Variants in PALMD observed in about 807,000 individuals in gnomAD.
PALMD encodes the protein paralemmin-like protein.
Under a neutral mutation model 56.2 loss-of-function variants are expected in PALMD, and 42 were observed. That is an observed-to-expected ratio of 0.75 (90% confidence interval 0.58 to 0.97). The LOEUF (loss-of-function observed/expected upper bound fraction) is 0.97, where lower values mean the gene tolerates loss of function less well. Among genes scored for constraint, PALMD ranks in the 50% least tolerant of loss-of-function variants. The pLI, the probability that PALMD is intolerant of heterozygous loss-of-function variation, is 0.00. For missense variants in PALMD, 660 were observed against 643.8 expected (o/e 1.03, Z -0.27); for synonymous variants, 242 against 222.9 (o/e 1.09, Z -0.76).
At chr1:99,659,183 C>A (rs937267956) in intron 1 of PALMD, among the ~76,000 whole-genome samples, 1 of 152,176 alleles carries the variant, frequency 6.6e-6, no homozygotes, top group Non-Finnish European at 1.5e-5. Flanking sequence ...AAGCATTGTG[C>A]TGACTTTTAT....
At chr1:99,678,974 A>G (rs1653279316) in intron 3 of PALMD, among the ~76,000 whole-genome samples, 1 of 152,010 alleles carries the variant, frequency 6.6e-6, no homozygotes, top group Admixed American at 6.6e-5. Context: ...CTTAAAAAAA[A>G]AAAAAAATCC....
At chr1:99,661,683 G>T (rs935249250) in intron 1 of PALMD, among the ~76,000 whole-genome samples, 1 of 152,160 alleles carries the variant, frequency 6.6e-6, no homozygotes, top group African/African-American at 2.4e-5. Flanking sequence ...CAGTAGTTAT[G>T]CTTTCTGGGT....
At position 99,686,730 on chromosome 1, in the gene PALMD, G is replaced by A. The variant is rs771942544; in HGVS notation, c.306G>A (p.Lys102=). Residue 102 remains lysine (K), a synonymous_variant, in exon 4 of 8, where the codon AAG becomes AAA. Coordinates refer to ENST00000263174, the MANE Select transcript of PALMD (RefSeq NM_017734.5). ...AAGCTGAACTGCAAATCTCAACGAA[G>A]GAAGAGGCCATTTTAAAGAAACTAA... ...LEKAELQIST[K]EEAILKKLKS... is the part of the protein sequence containing the mutation. The A allele has an allele frequency of 2.2e-5, 35 of 1,609,732 alleles. No individual in the cohort carries two copies. The highest frequency in any genetic ancestry group is 2.8e-5 in the Non-Finnish European group (33 of 1,177,200).
Position 99,688,831 on chromosome 1 carries a change from G to C in PALMD, c.571G>C (p.Val191Leu), listed in dbSNP as rs1180868291. The C allele has an allele frequency of 1.2e-6, 2 of 1,611,016 alleles. No homozygotes were observed. Among genetic ancestry groups the C allele is most frequent in the Admixed American group, 1.7e-5 (1 of 59,972 alleles). The change falls in exon 7 of 8, where the codon GTT becomes CTT. Residue 191 changes from valine to leucine, a missense_variant. Transcript: ENST00000263174. ...AGACTTGAAGACTGGAGAAAGTACA[G>C]TTCTGTCTTCAATACCTCTGCCATC... Reference protein sequence around the residue: ...EKDLKTGESTVLSSIPLPSDD... With the variant: ...EKDLKTGESTLLSSIPLPSDD...
At chr1:99,688,515 C>T (rs1653567535) in intron 6 of PALMD, among the ~76,000 whole-genome samples, 1 of 152,116 alleles carries the variant, frequency 6.6e-6, no homozygotes, top group African/African-American at 2.4e-5. Flanking sequence ...GAACCATCAG[C>T]TTATCTTCTC....
At position 99,693,975 on chromosome 1, in the gene PALMD, G is replaced by T. The variant is rs533903149; in HGVS notation, c.1613-44G>T. On this transcript the variant is annotated intron_variant, in intron 7 of 7. Coordinates refer to ENST00000263174, the MANE Select transcript of PALMD (RefSeq NM_017734.5). ...TGAATGGCCATTTAGAGTAAAAATTGAGGATTTTTTTTATAACTCTCTTTT... is the reference window on the plus strand; with the variant it reads ...TGAATGGCCATTTAGAGTAAAAATTTAGGATTTTTTTTATAACTCTCTTTT... 8.1e-5 allele frequency: 115 copies of T among 1,413,422 alleles called. No homozygotes were observed. In the Middle Eastern group the frequency reaches 1.5e-3, roughly 19 times the overall value. 87.6% of individuals were successfully genotyped at this position (1,413,422 alleles called of 1,614,324 possible). A position where few individuals can be genotyped will look rare whatever the true frequency, so the allele number is the denominator to read the frequency against.
At chr1:99,658,405 G>A (rs887571947) in intron 1 of PALMD, among the ~76,000 whole-genome samples, 2 of 152,046 alleles carry the variant, frequency 1.3e-5, no homozygotes, top group Non-Finnish European at 2.9e-5. Flanking sequence ...CAAGGTAGGA[G>A]GATTGCTTGA....
intron 6 of PALMD, among the ~76,000 whole-genome samples, chr1:99,687,485 C>T (rs971232799): frequency 6.6e-6 from 1 of 152,132 alleles, no homozygotes; most frequent in African/African-American, 2.4e-5. Context: ...TTTCTCCTGA[C>T]ATATTCCATC....
chr1:99,658,595 C>T (rs1351975479), intron 1 of PALMD, among the ~76,000 whole-genome samples: 1 of 151,966 alleles, frequency 6.6e-6, no homozygotes, highest in Non-Finnish European at 1.5e-5. Flanking sequence ...CACAGTGAAA[C>T]CCCGTCTCTA....
At chr1:99,681,599 T>C (rs1269678930) in intron 3 of PALMD, among the ~76,000 whole-genome samples, 3 of 152,168 alleles carry the variant, frequency 2.0e-5, no homozygotes, top group Non-Finnish European at 4.4e-5. Flanking sequence ...ATAAAGTACC[T>C]ATCAAGAACT....
intron 3 of PALMD, among the ~76,000 whole-genome samples, chr1:99,680,179 T>C (rs564097580): frequency 6.6e-6 from 1 of 152,306 alleles, no homozygotes; most frequent in East Asian, 1.9e-4. Flanking sequence ...CTCTTCCTGA[T>C]GCATCCAGCA....
chr1:99,688,961 T>G lies in PALMD; in HGVS notation c.701T>G (p.Leu234Arg), dbSNP rs780411178. 1 of 1,613,486 alleles carries G rather than the reference T, an allele frequency of 6.2e-7. No homozygotes were observed. Among genetic ancestry groups the G allele is most frequent in the Non-Finnish European group, 8.5e-7 (1 of 1,179,644 alleles). The change falls in exon 7 of 8, where the codon CTG becomes CGG. Residue 234 changes from leucine (L) to arginine (R), a missense_variant. Physicochemically the swap from Leu to Arg is moderately radical, Grantham distance 102. Transcript: ENST00000263174. The part of the protein sequence containing the change: ...HSAAYNGTDG[L>R]APVEVEELLR... ...GCAGCATACAATGGCACCGATGGCC[T>G]GGCACCAGTTGAAGTAGAGGAACTT...
chr1:99,684,710 T>G (rs1215514513), intron 3 of PALMD: 1 of 152,066 alleles, frequency 6.6e-6, no homozygotes, highest in Non-Finnish European at 1.5e-5. Flanking sequence ...GAGACTGAGG[T>G]CTCACTATGT....
intron 1 of PALMD, among the ~76,000 whole-genome samples, chr1:99,661,991 C>A (rs749450018): frequency 3.6e-4 from 55 of 152,198 alleles, no homozygotes; most frequent in Non-Finnish European, 7.2e-4. Flanking sequence ...ACCTATTTCA[C>A]AACTTGTCTC....
chr1:99,687,264 A>G, intron 6 of PALMD, 75 bp downstream of exon 6: 1 of 1,459,894 alleles, frequency 6.8e-7, no homozygotes. Context: ...ACAACTTGCT[A>G]TGACATATTA....
intron 7 of PALMD, among the ~76,000 whole-genome samples, chr1:99,693,653 T>C (rs901623053): frequency 1.3e-5 from 2 of 152,174 alleles, no homozygotes; most frequent in African/African-American, 4.8e-5. Context: ...TAAACACCAT[T>C]TTATTTTGGC....
intron 1 of PALMD, among the ~76,000 whole-genome samples, chr1:99,652,591 G>A (rs1280690948): frequency 1.3e-5 from 2 of 150,634 alleles, no homozygotes; most frequent in Non-Finnish European, 2.9e-5. Context: ...GTAACAGAGT[G>A]AGACTCCGTC....
At chr1:99,667,576 A>C (rs1469061632) in intron 2 of PALMD, 66 bp from the exon 3 acceptor site, 13 of 1,307,786 alleles carry the variant, frequency 9.9e-6, no homozygotes, top group Admixed American at 3.7e-5. Flanking sequence ...AAGATTTGAA[A>C]GCAGTAAGAG....
At chr1:99,652,691 AAAG>A (rs1282101716) in intron 1 of PALMD, among the ~76,000 whole-genome samples, 1,092 of 93,340 alleles carry the variant, frequency 0.012, 7 homozygotes, top group African/African-American at 0.038. Context: ...AAAGGAAAGG[AAAG>A]GAAAAGAAAA....
Sources: gnomAD v4.1 joint callset for allele counts (sites outside exome capture counted in the v4.1 genomes callset) on GRCh38, gnomAD v4.1.1 for gene constraint, MANE v1.5 for transcripts, NCBI Gene and HGNC (gene_info 2026-07-23, HGNC 2026-07-21) for gene names.